The following ZNF804B variants were observed in gnomAD, a reference collection of about 807,000 sequenced individuals.
ZNF804B encodes zinc finger protein 804B, also known as zinc finger 804B.
A neutral mutation model predicts 101.4 loss-of-function variants in ZNF804B; 80 were observed. The ratio of observed to expected loss-of-function variants is 0.79; its 90% CI spans 0.66 to 0.95. The LOEUF (loss-of-function observed/expected upper bound fraction) is 0.95, where lower values mean the gene tolerates loss of function less well. ZNF804B is among the 40% of genes least tolerant of loss of function. ZNF804B has a pLI of 0.00. For missense variants in ZNF804B, 1,673 were observed against 1,561.9 expected (o/e 1.07, Z -1.20); for synonymous variants, 622 against 558.8 (o/e 1.11, Z -1.59).
chr7:89,022,047 T>A (rs1025709489), intron 1 of ZNF804B, among the ~76,000 whole-genome samples: 1 of 152,134 alleles, frequency 6.6e-6, no homozygotes, highest in African/African-American at 2.4e-5. Flanking sequence ...GTGGAGTTTC[T>A]CCACTTACTT....
chr7:89,009,438 A>T (rs1215160092), intron 1 of ZNF804B, among the ~76,000 whole-genome samples: 1 of 152,158 alleles, frequency 6.6e-6, no homozygotes, highest in East Asian at 1.9e-4. Flanking sequence ...ATACCTGTCA[A>T]ATTGAAAACA....
intron 2 of ZNF804B, among the ~76,000 whole-genome samples, chr7:89,292,683 G>A (rs1190236873): frequency 6.7e-6 from 1 of 149,418 alleles, no homozygotes; most frequent in Non-Finnish European, 1.5e-5. Context: ...ATTAAAAAAT[G>A]GCACTAGTGA....
chr7:88,781,049 A>C (rs1455617097), intron 1 of ZNF804B, among the ~76,000 whole-genome samples: 2 of 152,188 alleles, frequency 1.3e-5, no homozygotes, highest in Admixed American at 6.5e-5. Flanking sequence ...TGTTAGAAAC[A>C]CATAATGGAA....
At chr7:89,096,405 G>C (rs1226852558) in intron 1 of ZNF804B, among the ~76,000 whole-genome samples, 2 of 152,064 alleles carry the variant, frequency 1.3e-5, no homozygotes, top group Non-Finnish European at 2.9e-5. Flanking sequence ...GGAACCAGGT[G>C]GAAGAGTTGA....
chr7:88,990,294 T>C lies in ZNF804B; in HGVS notation c.109-227861T>C, dbSNP rs532774966. ...TAATTACATAATTATTATGAATTATTTTAGGTCTTTGGGTATTTTTTAAAA... is the reference window on the plus strand; with the variant it reads ...TAATTACATAATTATTATGAATTATCTTAGGTCTTTGGGTATTTTTTAAAA... On this transcript the variant is annotated intron_variant, in intron 1 of 3. Coordinates refer to ENST00000333190, the MANE Select transcript of ZNF804B (RefSeq NM_181646.5). Among the ~76,000 whole-genome samples the C allele has an allele frequency of 1.4e-4, 21 of 152,092 alleles. No homozygotes were observed. The South Asian group carries it at 4.1e-3, about 30-fold the overall frequency.
intron 1 of ZNF804B, among the ~76,000 whole-genome samples, chr7:88,776,002 T>A: frequency 6.6e-6 from 1 of 152,202 alleles, no homozygotes; most frequent in Non-Finnish European, 1.5e-5. Flanking sequence ...GGTATTGATT[T>A]TAGAGTTGGA....
intron 1 of ZNF804B, among the ~76,000 whole-genome samples, chr7:89,192,650 CTA>C (rs1178611375): frequency 2.6e-5 from 4 of 151,902 alleles, no homozygotes. Context: ...CCAATTCATT[CTA>C]TGAGGCCATC....
chr7:88,760,336 T>A (rs1047860513), intron 1 of ZNF804B, among the ~76,000 whole-genome samples: 5 of 151,842 alleles, frequency 3.3e-5, no homozygotes, highest in African/African-American at 1.2e-4. Flanking sequence ...CGGATGTAAA[T>A]ACTTACTGAA....
In ZNF804B at chr7:89,168,672, G is replaced by A. The variant is rs565160388; in HGVS notation, c.109-49483G>A. ...GACTATCCCTGAATCCCTTGTAGTA[G>A]AGCTGAATACTTTTTTTTTTTTTTT... is the stretch of plus-strand genomic sequence containing the variant. On this transcript the variant is annotated intron_variant, in intron 1 of 3. Transcript: ENST00000333190. Among the ~76,000 whole-genome samples, 32 of 142,018 alleles carry A rather than the reference G, an allele frequency of 2.3e-4. No homozygotes were observed. In the East Asian group the frequency reaches 5.9e-3, roughly 26 times the overall value. 93.2% of individuals were successfully genotyped at this position (142,018 alleles called of 152,430 possible).
chr7:88,998,640 A>G (rs1268984116), intron 1 of ZNF804B, among the ~76,000 whole-genome samples: 4 of 152,078 alleles, frequency 2.6e-5, no homozygotes, highest in African/African-American at 9.7e-5. Flanking sequence ...GATTTTAAGA[A>G]GCTTCTCAGT....
Position 89,335,535 on chromosome 7 carries a change from C to G in ZNF804B, c.2553C>G (p.His851Gln), listed in dbSNP as rs10251768. 4 of 1,613,862 alleles carry G rather than the reference C, an allele frequency of 2.5e-6. No homozygotes were observed. Among genetic ancestry groups the G allele is most frequent in the Non-Finnish European group, 3.4e-6 (4 of 1,179,934 alleles). Residue 851 changes from histidine to glutamine, a missense_variant, in exon 4 of 4, where the codon CAC becomes CAG. Transcript: ENST00000333190. ...KKPPNCQGTQ[H>Q]DRLDSYSIEK... is the part of the protein sequence containing the mutation. The stretch of plus-strand genomic sequence containing the variant: ...CACCTAATTGCCAGGGAACTCAGCA[C>G]GACAGATTGGACTCTTACTCAATAG...
intron 1 of ZNF804B, among the ~76,000 whole-genome samples, chr7:89,148,050 T>C (rs931501184): frequency 2.0e-5 from 3 of 151,984 alleles, no homozygotes; most frequent in Non-Finnish European, 4.4e-5. Flanking sequence ...CAATCCCTGG[T>C]GCCAAAAAGG....
intron 1 of ZNF804B, among the ~76,000 whole-genome samples, chr7:89,190,867 A>C (rs1788446011): frequency 6.6e-6 from 1 of 152,138 alleles, no homozygotes; most frequent in Non-Finnish European, 1.5e-5. Flanking sequence ...TTAGCAATAA[A>C]ATATTTTAAA....
At chr7:88,845,622 G>C (rs750893942) in intron 1 of ZNF804B, among the ~76,000 whole-genome samples, 1 of 150,610 alleles carries the variant, frequency 6.6e-6, no homozygotes, top group Non-Finnish European at 1.5e-5. Context: ...TTGTTTTTCT[G>C]CCAAGAAAAA....
intron 1 of ZNF804B, among the ~76,000 whole-genome samples, chr7:89,204,692 A>G (rs1562915071): frequency 6.6e-6 from 1 of 152,166 alleles, no homozygotes; most frequent in Non-Finnish European, 1.5e-5. Flanking sequence ...ATCATGTGGC[A>G]TGGATTTGAT....
At position 89,275,384 on chromosome 7, in the gene ZNF804B, C is replaced by T. The variant is rs966691167; in HGVS notation, c.250-51960C>T. Among the ~76,000 whole-genome samples, 14 of 151,978 alleles carry T rather than the reference C, an allele frequency of 9.2e-5. 1 individual carries two copies. Among genetic ancestry groups the T allele is most frequent in the African/African-American group, 3.4e-4 (14 of 41,254 alleles). On this transcript the variant is annotated intron_variant, in intron 2 of 3. Coordinates refer to ENST00000333190, the MANE Select transcript of ZNF804B (RefSeq NM_181646.5). ...AATCTATTCCCAAAAGAGTAGTCAACTTATTCTTATGATTGGGTCAAAACC... is the reference window on the plus strand; with the variant it reads ...AATCTATTCCCAAAAGAGTAGTCAATTTATTCTTATGATTGGGTCAAAACC...
chr7:88,834,173 A>G (rs141516704), intron 1 of ZNF804B, among the ~76,000 whole-genome samples: 2 of 151,942 alleles, frequency 1.3e-5, no homozygotes, highest in East Asian at 3.9e-4. Flanking sequence ...ATATGGAATT[A>G]TTTTTTGTTA....
At chr7:89,009,445 A>G (rs1221178323) in intron 1 of ZNF804B, among the ~76,000 whole-genome samples, 1 of 152,166 alleles carries the variant, frequency 6.6e-6, no homozygotes, top group African/African-American at 2.4e-5. Context: ...TCAAATTGAA[A>G]ACACTATATA....
At chr7:89,074,447 C>A (rs574325568) in intron 1 of ZNF804B, among the ~76,000 whole-genome samples, 10 of 152,258 alleles carry the variant, frequency 6.6e-5, no homozygotes, top group African/African-American at 2.4e-4. Context: ...CTTATGAGAT[C>A]TGATGGTCTT....
Sources: allele counts gnomAD v4.1 joint callset (sites outside exome capture counted in the v4.1 genomes callset), GRCh38; gene constraint gnomAD v4.1.1; transcripts MANE v1.5; gene names NCBI Gene and HGNC (gene_info 2026-07-23, HGNC 2026-07-21).